The following GXYLT2 variants were observed in gnomAD, a reference collection of about 807,000 sequenced individuals.
GXYLT2 encodes glycosyltransferase 8 domain containing 4.
A neutral mutation model predicts 45.8 loss-of-function variants in GXYLT2; 53 were observed. The ratio of observed to expected loss-of-function variants is 1.16; its 90% CI spans 0.93 to 1.46. GXYLT2 has a LOEUF of 1.46. Among genes scored for constraint, GXYLT2 ranks in the 40% most tolerant of loss-of-function variants. The probability of loss-of-function intolerance (pLI) is 0.00; values close to 1 mark genes in which losing one functional copy is unlikely to be tolerated. For synonymous variants in GXYLT2, 219 were observed against 214.2 expected (o/e 1.02, Z -0.19); for missense variants, 551 against 544.4 (o/e 1.01, Z -0.12).
intron 3 of GXYLT2, among the ~76,000 whole-genome samples, chr3:72,936,665 AC>A (rs754698009): frequency 3.3e-5 from 2 of 60,538 alleles, no homozygotes; most frequent in Admixed American, 1.5e-4. Context: ...CAAAAAAACA[AC>A]AAAAAAAAAC....
chr3:72,950,757 G>A (rs1261426126), intron 3 of GXYLT2, among the ~76,000 whole-genome samples: 1 of 152,196 alleles, frequency 6.6e-6, no homozygotes, highest in Non-Finnish European at 1.5e-5. Flanking sequence ...GTCAAACTCA[G>A]ACTAGAATTA....
At chr3:72,907,007 G>A (rs1709523800) in intron 1 of GXYLT2, among the ~76,000 whole-genome samples, 1 of 152,164 alleles carries the variant, frequency 6.6e-6, no homozygotes, top group African/African-American at 2.4e-5. Flanking sequence ...AGCATAGGCT[G>A]GGGGTTAAAG....
intron 5 of GXYLT2, among the ~76,000 whole-genome samples, chr3:72,963,128 G>C (rs149638454): frequency 6.6e-6 from 1 of 151,208 alleles, no homozygotes; most frequent in Non-Finnish European, 1.5e-5. Flanking sequence ...CCTGGGCAAC[G>C]TGGCAAGACC....
At chr3:72,934,426 A>C (rs1710138960) in intron 3 of GXYLT2, among the ~76,000 whole-genome samples, 1 of 152,112 alleles carries the variant, frequency 6.6e-6, no homozygotes, top group Non-Finnish European at 1.5e-5. Context: ...ATTCTAGGAC[A>C]ACCAGAATAG....
chr3:72,969,666 A>G (rs1710947929), intron 6 of GXYLT2, among the ~76,000 whole-genome samples: 1 of 152,148 alleles, frequency 6.6e-6, no homozygotes, highest in African/African-American at 2.4e-5. Context: ...TTATGTTGGC[A>G]CTATAATAAC....
chr3:72,940,633 C>T (rs1710280440), intron 3 of GXYLT2, among the ~76,000 whole-genome samples: 3 of 152,182 alleles, frequency 2.0e-5, no homozygotes, highest in African/African-American at 7.2e-5. Context: ...GTTTTTACAA[C>T]ACACATGCAT....
chr3:72,952,958 G>C (rs999061925), intron 3 of GXYLT2, among the ~76,000 whole-genome samples: 2 of 152,064 alleles, frequency 1.3e-5, no homozygotes, highest in Non-Finnish European at 2.9e-5. Context: ...ATCCTTCCTT[G>C]GTTAAGCTAC....
chr3:72,974,725 G>C (rs1711059041), intron 6 of GXYLT2, among the ~76,000 whole-genome samples: 1 of 152,072 alleles, frequency 6.6e-6, no homozygotes, highest in South Asian at 2.1e-4. Context: ...TGGGGTTACA[G>C]GTGTAAGCCA....
chr3:72,943,823 G>A (rs71300553), intron 3 of GXYLT2, among the ~76,000 whole-genome samples: 1 of 151,664 alleles, frequency 6.6e-6, no homozygotes, highest in African/African-American at 2.4e-5. Flanking sequence ...ACTAGTGTCT[G>A]TATTGCTTGC....
chr3:72,974,275 T>A lies in GXYLT2; in HGVS notation c.1150-702T>A, dbSNP rs1711049140. 2.0e-5 allele frequency among the ~76,000 whole-genome samples: 3 copies of A among 151,986 alleles called. No homozygotes were observed. In the South Asian group the frequency reaches 6.2e-4, roughly 32 times the overall value. On this transcript the variant is annotated intron_variant, in intron 6 of 6. Coordinates refer to ENST00000389617, the MANE Select transcript of GXYLT2 (RefSeq NM_001080393.2). ...ACAAAAGAATTTTAAAAAATGGCAG[T>A]GATGATCTCAAAAGCCCAATATTAA... is the stretch of plus-strand genomic sequence containing the variant.
chr3:72,934,259 A>T (rs2322694), intron 3 of GXYLT2, among the ~76,000 whole-genome samples: 1 of 151,106 alleles, frequency 6.6e-6, no homozygotes, highest in African/African-American at 2.4e-5. Context: ...TAATTTTTGT[A>T]TTTTTTTGTA....
Position 72,888,102 on chromosome 3 carries a change from C to A in GXYLT2, c.-132C>A. The stretch of plus-strand genomic sequence containing the variant: ...CCGCCGCCGCCGGCCGCCCGCCGGC[C>A]GCCACGACCCCAGTCCCCGGCGGGC... On this transcript the variant is annotated 5_prime_UTR_variant, in exon 1 of 7. Coordinates refer to ENST00000389617, the MANE Select transcript of GXYLT2 (RefSeq NM_001080393.2). The A allele has an allele frequency of 2.0e-6, 1 of 492,122 alleles. No homozygotes were observed. 30.5% of individuals were successfully genotyped at this position (492,122 alleles called of 1,614,324 possible).
intron 5 of GXYLT2, among the ~76,000 whole-genome samples, chr3:72,964,497 A>G (rs1710825475): frequency 6.6e-6 from 1 of 151,704 alleles, no homozygotes. Flanking sequence ...TAATTTTTGT[A>G]TTTTTAGTAG....
At chr3:72,924,643 T>C (rs1709887963) in intron 3 of GXYLT2, among the ~76,000 whole-genome samples, 1 of 152,104 alleles carries the variant, frequency 6.6e-6, no homozygotes, top group African/African-American at 2.4e-5. Flanking sequence ...ACTAACTTGG[T>C]TTGGGCTTTG....
chr3:72,908,930 A>G (rs1709562247), intron 2 of GXYLT2, among the ~76,000 whole-genome samples: 1 of 152,070 alleles, frequency 6.6e-6, no homozygotes, highest in Non-Finnish European at 1.5e-5. Flanking sequence ...TAATAGAGAC[A>G]GAATTTTGCC....
intron 3 of GXYLT2, among the ~76,000 whole-genome samples, chr3:72,953,777 T>A (rs1710573517): frequency 6.6e-6 from 1 of 152,164 alleles, no homozygotes; most frequent in South Asian, 2.1e-4. Context: ...CATTGCCTAA[T>A]CCCAAGACCA....
intron 2 of GXYLT2, among the ~76,000 whole-genome samples, chr3:72,914,535 GT>G (rs1174525616): frequency 5.9e-5 from 9 of 151,350 alleles, no homozygotes; most frequent in African/African-American, 2.2e-4. Flanking sequence ...ATATGTGTGT[GT>G]GTGTGTGTGT....
intron 1 of GXYLT2, among the ~76,000 whole-genome samples, chr3:72,894,309 A>G (rs1709238963): frequency 6.6e-6 from 1 of 152,152 alleles, no homozygotes; most frequent in African/African-American, 2.4e-5. Context: ...GCTGAACTAG[A>G]TGGTTCTTTT....
chr3:72,893,116 TCCA>T (rs542790923), intron 1 of GXYLT2, among the ~76,000 whole-genome samples: 139 of 152,214 alleles, frequency 9.1e-4, no homozygotes, highest in African/African-American at 3.1e-3. Context: ...CCAGATGGGG[TCCA>T]CCTATTTGCT....
Sources: allele counts gnomAD v4.1 joint callset (sites outside exome capture counted in the v4.1 genomes callset), GRCh38; gene constraint gnomAD v4.1.1; transcripts MANE v1.5; gene names NCBI Gene and HGNC (gene_info 2026-07-23, HGNC 2026-07-21).